Variants in COLEC11 observed in about 807,000 individuals in gnomAD.
COLEC11 encodes collectin subfamily member 11.
COLEC11 carries 20 observed loss-of-function variants against 27.3 expected under a neutral mutation model. The ratio of observed to expected loss-of-function variants is 0.73; its 90% CI spans 0.51 to 1.06. The LOEUF (loss-of-function observed/expected upper bound fraction) is 1.06. Among genes scored for constraint, COLEC11 ranks in the 50% least tolerant of loss-of-function variants. COLEC11 has a pLI of 0.00. For missense variants in COLEC11, 310 were observed against 383.0 expected (o/e 0.81, Z 1.59); for synonymous variants, 163 against 154.7 (o/e 1.05, Z -0.40).
chr2:3,631,318 G>A (rs1452953738), intron 3 of COLEC11, among the ~76,000 whole-genome samples: 2 of 152,236 alleles, frequency 1.3e-5, no homozygotes, highest in Admixed American at 6.5e-5. Context: ...GGCCGAGAGC[G>A]AAGGTCATGG....
In COLEC11 at chr2:3,625,625, C is replaced by CTTTTTTTTTTTTT. The variant is rs60222284; in HGVS notation, c.203-11901_203-11889dup. Among the ~76,000 whole-genome samples the CTTTTTTTTTTTTT allele has an allele frequency of 6.6e-4, 60 of 91,450 alleles. 3 individuals are homozygous for CTTTTTTTTTTTTT. Among genetic ancestry groups the CTTTTTTTTTTTTT allele is most frequent in the East Asian group, 1.1e-3 (3 of 2,756 alleles). The allele number at this position is 91,450 out of a possible 152,430, so 60.0% of individuals were successfully genotyped here. ...GGAAAGTTTCTTTTCTTCTTTTTTA[C>CTTTTTTTTTTTTT]TTTTTTTTTTTTTTTTTTTGAGACA... is the stretch of plus-strand genomic sequence containing the variant. On this transcript the variant is annotated intron_variant, in intron 3 of 6. Coordinates refer to ENST00000349077, the MANE Select transcript of COLEC11 (RefSeq NM_024027.5).
intron 4 of COLEC11, among the ~76,000 whole-genome samples, chr2:3,639,666 A>G (rs1470311540): frequency 1.3e-5 from 2 of 152,010 alleles, no homozygotes; most frequent in East Asian, 1.9e-4. Flanking sequence ...ATTTTGTTCA[A>G]CCCCCTTGTT....
intron 3 of COLEC11, among the ~76,000 whole-genome samples, chr2:3,625,817 G>T (rs536104426): frequency 3.3e-5 from 5 of 152,002 alleles, no homozygotes; most frequent in African/African-American, 9.6e-5. Flanking sequence ...ATTTTTAGTG[G>T]AGACGGGGTT....
intron 2 of COLEC11, chr2:3,606,284 A>C: frequency 6.6e-7 from 1 of 1,524,782 alleles, no homozygotes; most frequent in Non-Finnish European, 8.9e-7. Flanking sequence ...GGTGGGCTCC[A>C]GGGTCCTTTC....
At chr2:3,608,412 A>G (rs887407887) in intron 2 of COLEC11, among the ~76,000 whole-genome samples, 1 of 152,214 alleles carries the variant, frequency 6.6e-6, no homozygotes. Context: ...GGTCTACATT[A>G]CAAAATGCAT....
intron 1 of COLEC11, among the ~76,000 whole-genome samples, 198 bp downstream of exon 1, chr2:3,595,366 T>C (rs1348222741): frequency 6.6e-6 from 1 of 152,236 alleles, no homozygotes; most frequent in Non-Finnish European, 1.5e-5. Flanking sequence ...GATTAGTTCA[T>C]GGCGGAAATT....
intron 2 of COLEC11, among the ~76,000 whole-genome samples, chr2:3,611,051 C>G (rs969268211): frequency 5.3e-5 from 8 of 152,226 alleles, no homozygotes; most frequent in Non-Finnish European, 8.8e-5. Context: ...TCACAGAGTT[C>G]TTTCATGGCT....
chr2:3,635,231 G>A (rs750083314), intron 3 of COLEC11, among the ~76,000 whole-genome samples: 50 of 151,684 alleles, frequency 3.3e-4, no homozygotes, highest in African/African-American at 1.1e-3. Flanking sequence ...CCAGCTGTGC[G>A]TGCCTCATCC....
At chr2:3,630,761 T>G (rs1664939344) in intron 3 of COLEC11, among the ~76,000 whole-genome samples, 1 of 152,226 alleles carries the variant, frequency 6.6e-6, no homozygotes, top group Non-Finnish European at 1.5e-5. Flanking sequence ...AGGTACATGT[T>G]ATTCTTCTTT....
intron 3 of COLEC11, chr2:3,617,781 G>C: frequency 1.1e-6 from 1 of 903,482 alleles, no homozygotes; most frequent in African/African-American, 1.7e-5. Context: ...TTTTCAAGGA[G>C]CCTCTGTACT....
At chr2:3,623,005 G>A (rs986971662) in intron 3 of COLEC11, among the ~76,000 whole-genome samples, 13 of 152,096 alleles carry the variant, frequency 8.5e-5, no homozygotes, top group African/African-American at 2.9e-4. Flanking sequence ...TTTAGCTTTT[G>A]TGTATCTGGG....
chr2:3,643,891 G>A lies in COLEC11; in HGVS notation c.589G>A (p.Gly197Ser), dbSNP rs747554313. Reference protein sequence around the residue: ...GLMAAYLAQAGLARVFIGIND... With the variant: ...GLMAAYLAQASLARVFIGIND... ...GATGGCCGCATACCTGGCGCAAGCC[G>A]GCCTGGCCCGTGTCTTCATCGGCAT... The change falls in exon 7 of 7, where the codon GGC (glycine) becomes AGC (serine). Residue 197 changes from glycine to serine, a missense_variant. Coordinates refer to ENST00000349077, the MANE Select transcript of COLEC11 (RefSeq NM_024027.5). The A allele has an allele frequency of 2.5e-5, 41 of 1,613,816 alleles. No individual in the cohort carries two copies. In the South Asian group the frequency reaches 2.7e-4, roughly 11 times the overall value.
chr2:3,634,193 G>A (rs2147945097), intron 3 of COLEC11, among the ~76,000 whole-genome samples: 1 of 152,334 alleles, frequency 6.6e-6, no homozygotes. Flanking sequence ...AGTGTGGGTG[G>A]CTGTGTCCAT....
chr2:3,636,312 TG>T (rs763135234), intron 3 of COLEC11, among the ~76,000 whole-genome samples: 1 of 152,136 alleles, frequency 6.6e-6, no homozygotes, highest in Non-Finnish European at 1.5e-5. Flanking sequence ...AAAATTAGCC[TG>T]GCGTGGTGGC....
rs886813875 is a variant in COLEC11 at position 3,603,471 on chromosome 2, C to G, written c.-26-844C>G. ...AGCTGGGATTAGAGGTGCCCGCCAC[C>G]ACACCCAGCTAATTTTTGTATTTTT... On this transcript the variant is annotated intron_variant, in intron 1 of 6. Coordinates refer to ENST00000349077, the MANE Select transcript of COLEC11 (RefSeq NM_024027.5). 1.3e-5 allele frequency: 8 copies of G among 617,752 alleles called. 1 individual carries two copies. Among genetic ancestry groups the G allele is most frequent in the Admixed American group, 1.1e-4 (5 of 44,578 alleles). 38.3% of individuals were successfully genotyped at this position (617,752 alleles called of 1,614,324 possible).
chr2:3,637,298 T>A (rs941221239), intron 3 of COLEC11, among the ~76,000 whole-genome samples: 1 of 152,120 alleles, frequency 6.6e-6, no homozygotes, highest in African/African-American at 2.4e-5. Context: ...CATTCTATAG[T>A]GTGTATGACT....
At chr2:3,631,937 T>C (rs1665034400) in intron 3 of COLEC11, among the ~76,000 whole-genome samples, 1 of 152,148 alleles carries the variant, frequency 6.6e-6, no homozygotes, top group Admixed American at 6.5e-5. Context: ...GGAGGGTGGC[T>C]TTGGCTGTAC....
chr2:3,595,845 A>C (rs1308266529), intron 1 of COLEC11, among the ~76,000 whole-genome samples: 1 of 152,234 alleles, frequency 6.6e-6, no homozygotes, highest in Non-Finnish European at 1.5e-5. Context: ...GGTCGTTCTC[A>C]ATTTAAAGAT....
intron 2 of COLEC11, among the ~76,000 whole-genome samples, chr2:3,611,569 C>T (rs1663198316): frequency 6.6e-6 from 1 of 152,238 alleles, no homozygotes; most frequent in African/African-American, 2.4e-5. Flanking sequence ...CTTCTCTTTT[C>T]TTCTTACAAG....
Sources: gnomAD v4.1 joint callset for allele counts (sites outside exome capture counted in the v4.1 genomes callset) on GRCh38, gnomAD v4.1.1 for gene constraint, MANE v1.5 for transcripts, NCBI Gene and HGNC (gene_info 2026-07-23, HGNC 2026-07-21) for gene names.